Variants in LRRC2 observed in about 807,000 individuals in gnomAD.
LRRC2 encodes leucine-rich repeat-containing protein 2.
In LRRC2, 27 loss-of-function variants were observed where a neutral mutation model predicts 40.2. The ratio of observed to expected loss-of-function variants is 0.67; its 90% confidence interval spans 0.49 to 0.93. LRRC2 has a LOEUF of 0.93. Among genes scored for constraint, LRRC2 ranks in the 40% least tolerant of loss-of-function variants. The pLI, the probability that LRRC2 is intolerant of heterozygous loss-of-function variation, is 0.00. For missense variants in LRRC2, 402 were observed against 439.6 expected (o/e 0.91, Z 0.76); for synonymous variants, 147 against 158.9 (o/e 0.92, Z 0.56).
At chr3:46,536,699 C>A (rs143038691) in intron 4 of LRRC2, among the ~76,000 whole-genome samples, 4 of 152,096 alleles carry the variant, frequency 2.6e-5, no homozygotes, top group Admixed American at 1.3e-4. Context: ...GGATCTTGGG[C>A]GTTTAGATTT....
chr3:46,531,657 G>A (rs1437316488), intron 5 of LRRC2, among the ~76,000 whole-genome samples: 1 of 152,144 alleles, frequency 6.6e-6, no homozygotes, highest in African/African-American at 2.4e-5. Flanking sequence ...AAAAGACTGG[G>A]AGATGAGTGG....
At chr3:46,548,210 A>G (rs1383581838) in intron 2 of LRRC2, among the ~76,000 whole-genome samples, 2 of 152,202 alleles carry the variant, frequency 1.3e-5, no homozygotes, top group South Asian at 2.1e-4. Flanking sequence ...ATATTTTGGT[A>G]CAGCCAATAT....
At chr3:46,521,253 G>A (rs927193724) in intron 8 of LRRC2, among the ~76,000 whole-genome samples, 3 of 152,054 alleles carry the variant, frequency 2.0e-5, no homozygotes, top group Non-Finnish European at 2.9e-5. Flanking sequence ...GGTTAGTAAC[G>A]CAACCCTAAC....
chr3:46,560,122 T>G (rs1157905258), intron 1 of LRRC2, among the ~76,000 whole-genome samples: 1 of 152,198 alleles, frequency 6.6e-6, no homozygotes, highest in African/African-American at 2.4e-5. Context: ...CAGACCTCTC[T>G]AGACAACTGG....
chr3:46,558,724 G>A (rs117435589), intron 1 of LRRC2: 2,817 of 152,276 alleles, frequency 0.018, 30 homozygotes, highest in Middle Eastern at 0.048. Flanking sequence ...CTGCTCTGCC[G>A]TGCACTTCCT....
chr3:46,541,071 C>T (rs909609710), intron 3 of LRRC2, among the ~76,000 whole-genome samples: 8 of 152,194 alleles, frequency 5.3e-5, no homozygotes, highest in East Asian at 1.9e-4. Context: ...TGGTGGCTCA[C>T]GCCTGTAATC....
intron 1 of LRRC2, among the ~76,000 whole-genome samples, chr3:46,562,573 C>A (rs1704968260): frequency 6.6e-6 from 1 of 152,144 alleles, no homozygotes; most frequent in Non-Finnish European, 1.5e-5. Context: ...GCATGTTCAG[C>A]TGCCTCCTTG....
intron 3 of LRRC2, among the ~76,000 whole-genome samples, chr3:46,540,547 A>T (rs552246304): frequency 6.6e-6 from 1 of 152,072 alleles, no homozygotes; most frequent in Non-Finnish European, 1.5e-5. Flanking sequence ...AAAAATTGAT[A>T]GGCAAAGTGA....
chr3:46,540,483 C>T (rs1704362820), intron 3 of LRRC2, among the ~76,000 whole-genome samples: 1 of 151,156 alleles, frequency 6.6e-6, no homozygotes, highest in African/African-American at 2.4e-5. Flanking sequence ...CAAAATAGCA[C>T]CACTGCACTC....
Position 46,524,787 on chromosome 3 carries a change from T to G in LRRC2, c.929+2639A>C, listed in dbSNP as rs138391284. Among the ~76,000 whole-genome samples the G allele has an allele frequency of 3.8e-3, 573 of 152,318 alleles. 2 individuals are homozygous for G. The highest frequency in any genetic ancestry group is 0.013 in the African/African-American group (541 of 41,572). On this transcript the variant is annotated intron_variant, in intron 7 of 8. Transcript: ENST00000395905. ...TTGTCTCTTGGTCTAGTTTTCTTTCTATATGCTATGTATACCATATATTTG... is the reference window on the plus strand; with the variant it reads ...TTGTCTCTTGGTCTAGTTTTCTTTCGATATGCTATGTATACCATATATTTG...
At chr3:46,549,039 C>G (rs1306032617) in intron 2 of LRRC2, among the ~76,000 whole-genome samples, 1 of 152,182 alleles carries the variant, frequency 6.6e-6, no homozygotes, top group Non-Finnish European at 1.5e-5. Flanking sequence ...GGAACCTCCG[C>G]TCCAAATGAT....
intron 1 of LRRC2, among the ~76,000 whole-genome samples, chr3:46,563,718 A>G (rs1704996316): frequency 6.6e-6 from 1 of 152,214 alleles, no homozygotes; most frequent in Non-Finnish European, 1.5e-5. Context: ...GACGAGCCAC[A>G]GTTTACTGAC....
At chr3:46,527,880 C>G (rs556095260) in intron 6 of LRRC2, among the ~76,000 whole-genome samples, 1 of 152,022 alleles carries the variant, frequency 6.6e-6, no homozygotes, top group African/African-American at 2.4e-5. Flanking sequence ...TACAGGCACA[C>G]GCCATCATGC....
chr3:46,519,949 G>C (rs1171837563), intron 8 of LRRC2, among the ~76,000 whole-genome samples: 1 of 151,846 alleles, frequency 6.6e-6, no homozygotes, highest in African/African-American at 2.4e-5. Context: ...ATTTCTGTAG[G>C]ACAAAACCAG....
chr3:46,543,371 C>T (rs982650219), intron 3 of LRRC2, among the ~76,000 whole-genome samples: 10 of 152,258 alleles, frequency 6.6e-5, no homozygotes, highest in Non-Finnish European at 1.3e-4. Flanking sequence ...AATCCCAGCA[C>T]TTTGGGAGGC....
chr3:46,537,249 C>T (rs990912599), intron 4 of LRRC2, among the ~76,000 whole-genome samples: 5 of 152,262 alleles, frequency 3.3e-5, no homozygotes, highest in East Asian at 1.9e-4. Flanking sequence ...CACAGGCACA[C>T]GCCATCATGC....
chr3:46,527,525 T>C lies in LRRC2; in HGVS notation c.830A>G (p.Tyr277Cys). Reference protein sequence around the residue: ...LYKNKLTYLPYSMLNLKKLTL... With the variant: ...LYKNKLTYLPCSMLNLKKLTL... ...GAGCTTCTTCAGGTTCAGCATGGAATAGGGAAGGTAGGTCAACTTGTTTTT... is the reference window on the plus strand; with the variant it reads ...GAGCTTCTTCAGGTTCAGCATGGAACAGGGAAGGTAGGTCAACTTGTTTTT... Residue 277 changes from tyrosine to cysteine, a missense_variant, in exon 7 of 9, where the codon TAT (tyrosine) becomes TGT (cysteine). By Grantham distance (194) the Tyr-to-Cys change is radical. Transcript: ENST00000395905. 6.2e-7 allele frequency: 1 copy of C among 1,613,930 alleles called. No homozygotes were observed. Among genetic ancestry groups the C allele is most frequent in the Middle Eastern group, 1.6e-4 (1 of 6,062 alleles).
At chr3:46,549,673 G>C (rs1309056603) in intron 2 of LRRC2, among the ~76,000 whole-genome samples, 2 of 152,186 alleles carry the variant, frequency 1.3e-5, no homozygotes, top group Admixed American at 6.5e-5. Flanking sequence ...AGCGTTGAAG[G>C]GGCAGATCCC....
intron 7 of LRRC2, among the ~76,000 whole-genome samples, chr3:46,524,960 A>G (rs1300176585): frequency 6.6e-6 from 1 of 152,078 alleles, no homozygotes; most frequent in Non-Finnish European, 1.5e-5. Context: ...GAAAATTCCT[A>G]TATCATGTAT....
Sources: allele counts gnomAD v4.1 joint callset (sites outside exome capture counted in the v4.1 genomes callset), GRCh38; gene constraint gnomAD v4.1.1; transcripts MANE v1.5; gene names NCBI Gene and HGNC (gene_info 2026-07-23, HGNC 2026-07-21).